Variants in HDAC1 observed in about 807,000 individuals in gnomAD.
HDAC1 encodes histone deacetylase 1, also known as protein deacetylase HDAC1.
In HDAC1, 18 loss-of-function variants were observed where a neutral mutation model predicts 65.5. That is an observed-to-expected ratio of 0.27 (90% CI 0.19 to 0.41). The LOEUF (loss-of-function observed/expected upper bound fraction) is 0.41. HDAC1 is among the 10% of genes least tolerant of loss of function. The probability of loss-of-function intolerance (pLI) is 1.00; values close to 1 mark genes in which losing one functional copy is unlikely to be tolerated. For missense variants in HDAC1, 373 were observed against 625.2 expected (o/e 0.60, Z 4.30); for synonymous variants, 211 against 227.9 (o/e 0.93, Z 0.67).
At chr1:32,316,622 C>A (rs1205098181) in intron 2 of HDAC1, 43 bp from the exon 3 acceptor site, 2 of 1,065,848 alleles carry the variant, frequency 1.9e-6, no homozygotes, top group Non-Finnish European at 2.9e-6. Flanking sequence ...CTGGACTGGC[C>A]GTGGTCAAAA....
rs1171086398 is a variant in HDAC1, at chr1:32,316,658, C to G, written c.163-7C>G. 2 of 1,579,530 alleles carry G rather than the reference C, an allele frequency of 1.3e-6. No homozygotes were observed. The highest frequency in any genetic ancestry group is 3.3e-5 in the Admixed American group (2 of 59,866). On this transcript the variant is annotated splice_polypyrimidine_tract_variant and splice_region_variant and intron_variant, in intron 2 of 13. Coordinates refer to ENST00000373548, the MANE Select transcript of HDAC1 (RefSeq NM_004964.3). Reference sequence around the variant, plus strand: ...ATAACTTGCCCTTTCTCCCTTCTGCCCTCTAGCGCCCTCACAAAGCCAATG... The same window carrying G: ...ATAACTTGCCCTTTCTCCCTTCTGCGCTCTAGCGCCCTCACAAAGCCAATG...
chr1:32,329,091 G>A lies in HDAC1; in HGVS notation c.660G>A (p.Lys220=), dbSNP rs376641356. Residue 220 remains lysine (K), a synonymous_variant, in exon 7 of 14, where the codon AAG becomes AAA. Coordinates refer to ENST00000373548, the MANE Select transcript of HDAC1 (RefSeq NM_004964.3). The surrounding 1 kb of genome is among the most constrained non-coding windows in gnomAD (Gnocchi z 4.1). ...DLRDIGAGKG[K]YYAVNYPLRD... is the part of the protein sequence containing the mutation. Reference sequence around the variant, plus strand: ...AGGATATCGGGGCTGGCAAAGGCAAGTATTATGCTGTTAACTACCCGCTCC... The same window carrying A: ...AGGATATCGGGGCTGGCAAAGGCAAATATTATGCTGTTAACTACCCGCTCC... 5.0e-6 allele frequency: 8 copies of A among 1,611,214 alleles called. No individual in the cohort carries two copies. The African/African-American group carries it at 5.3e-5, about 11-fold the overall frequency.
intron 3 of HDAC1, among the ~76,000 whole-genome samples, chr1:32,321,247 T>A (rs1008204984): frequency 5.9e-4 from 89 of 150,438 alleles, no homozygotes; most frequent in East Asian, 4.5e-3. Context: ...AAAAAAATAA[T>A]AATAATAATA....
At chr1:32,323,815 G>T (rs552852774) in intron 3 of HDAC1, among the ~76,000 whole-genome samples, 1 of 152,312 alleles carries the variant, frequency 6.6e-6, no homozygotes, top group African/African-American at 2.4e-5. Flanking sequence ...CGTGCGCAGT[G>T]AACGATAGTT....
rs115924027 is a variant in HDAC1, at chr1:32,300,425, C to T, written c.50-2196C>T. ...TGAAAATTAGCTGGATTTGGTGGCA[C>T]GCACCTGTAATCCCAGCAATTTAGG... On this transcript the variant is annotated intron_variant, in intron 1 of 13. Coordinates refer to ENST00000373548, the MANE Select transcript of HDAC1 (RefSeq NM_004964.3). Among the ~76,000 whole-genome samples, 1,026 of 151,912 alleles carry T rather than the reference C, an allele frequency of 6.8e-3. 2 individuals carry two copies. Among genetic ancestry groups the T allele is most frequent in the Middle Eastern group, 0.034 (10 of 294 alleles).
chr1:32,311,014 T>C (rs1640984082), intron 2 of HDAC1, among the ~76,000 whole-genome samples: 1 of 151,830 alleles, frequency 6.6e-6, no homozygotes, highest in Non-Finnish European at 1.5e-5. Flanking sequence ...TTAACAATGG[T>C]TAAGAAGGAG....
intron 4 of HDAC1, among the ~76,000 whole-genome samples, chr1:32,326,295 G>A (rs995030112): frequency 6.6e-6 from 1 of 151,806 alleles, no homozygotes; most frequent in Admixed American, 6.6e-5. Context: ...CCAGGTAGCT[G>A]GGACTACAAG....
rs377238510 is a variant in HDAC1, at chr1:32,330,548, G to A, written c.730-30G>A. 4.8e-5 allele frequency: 72 copies of A among 1,487,744 alleles called. No individual in the cohort carries two copies. The African/African-American group carries it at 9.1e-4, about 19-fold the overall frequency. The allele number at this position is 1,487,744 out of a possible 1,614,324, so 92.2% of individuals were successfully genotyped here. A position where few individuals can be genotyped will look rare whatever the true frequency, so the allele number is the denominator to read the frequency against. On this transcript the variant is annotated intron_variant, in intron 7 of 13. Coordinates refer to ENST00000373548, the MANE Select transcript of HDAC1 (RefSeq NM_004964.3). The surrounding 1 kb of genome is among the most constrained non-coding windows in gnomAD (Gnocchi z 4.2). The stretch of plus-strand genomic sequence containing the variant: ...CCAAACCTCGTATTGCTTTCTTGAG[G>A]TTGGTGGTGACCAGGATGTATCATT...
At chr1:32,318,555 CA>C (rs56896109) in intron 3 of HDAC1, among the ~76,000 whole-genome samples, 172 of 135,088 alleles carry the variant, frequency 1.3e-3, no homozygotes, top group Middle Eastern at 3.6e-3. Context: ...AGAGCGAGAC[CA>C]AAAAAAAAAA....
At chr1:32,308,708 C>T (rs1379369305) in intron 2 of HDAC1, among the ~76,000 whole-genome samples, 4 of 152,066 alleles carry the variant, frequency 2.6e-5, no homozygotes, top group Middle Eastern at 3.4e-3. Flanking sequence ...TTAGTAGAGA[C>T]GGGGTTTCCC....
chr1:32,324,219 G>A (rs1458083452), intron 3 of HDAC1, among the ~76,000 whole-genome samples: 1 of 152,156 alleles, frequency 6.6e-6, no homozygotes, highest in African/African-American at 2.4e-5. Flanking sequence ...GGTCAAAGCT[G>A]CTGCACATGA....
rs1408808617 is a variant in HDAC1 at position 32,330,434 on chromosome 1, C to T, written c.730-144C>T. ...CCAAGTGGGCAAGCAAGGGCTCCAG[C>T]CTAGCACTCCCTTTTCTCTCCCACA... On this transcript the variant is annotated intron_variant, in intron 7 of 13. Coordinates refer to ENST00000373548, the MANE Select transcript of HDAC1 (RefSeq NM_004964.3). The surrounding 1 kb of genome is among the most constrained non-coding windows in gnomAD (Gnocchi z 4.2). The T allele has an allele frequency of 7.3e-6, 5 of 689,092 alleles. No homozygotes were observed. The highest frequency in any genetic ancestry group is 7.1e-5 in the African/African-American group (4 of 56,376). The allele number at this position is 689,092 out of a possible 1,614,324, so 42.7% of individuals were successfully genotyped here. A position where few individuals can be genotyped will look rare whatever the true frequency, so the allele number is the denominator to read the frequency against.
At chr1:32,324,950 A>G (rs1427234005) in intron 4 of HDAC1, among the ~76,000 whole-genome samples, 1 of 152,134 alleles carries the variant, frequency 6.6e-6, no homozygotes, top group Non-Finnish European at 1.5e-5. Context: ...TGGGCAACAA[A>G]GCAAGACCCT....
rs1188376271 is a variant in HDAC1, at chr1:32,333,438, C to T, written c.*394C>T. The T allele has an allele frequency of 2.5e-5, 4 of 158,394 alleles. No individual in the cohort carries two copies. The highest frequency in any genetic ancestry group is 9.6e-5 in the African/African-American group (4 of 41,542). 9.8% of individuals were successfully genotyped at this position (158,394 alleles called of 1,614,324 possible). On this transcript the variant is annotated 3_prime_UTR_variant, in exon 14 of 14. Transcript: ENST00000373548. ...TGTTTTTTTCAGGCTCCTAAAGTAA[C>T]ATCAGCCATTTTTAGATTGGTTCTG...
intron 1 of HDAC1, among the ~76,000 whole-genome samples, chr1:32,299,436 TAAAAA>T (rs535160328): frequency 4.0e-5 from 6 of 151,490 alleles, no homozygotes; most frequent in Admixed American, 2.0e-4. Flanking sequence ...AAAAAAAACA[TAAAAA>T]GAAAAGGATG....
intron 1 of HDAC1, among the ~76,000 whole-genome samples, chr1:32,295,377 G>A (rs1640755373): frequency 6.6e-6 from 1 of 152,018 alleles, no homozygotes; most frequent in Non-Finnish European, 1.5e-5. Flanking sequence ...CTCCAGCCTG[G>A]GGGACAGAGT....
intron 3 of HDAC1, among the ~76,000 whole-genome samples, chr1:32,324,100 T>TAA (rs776697437): frequency 3.0e-5 from 4 of 132,328 alleles, no homozygotes; most frequent in Non-Finnish European, 3.3e-5. Flanking sequence ...GCTCTGTCTC[T>TAA]AAAAAAAAAA....
intron 1 of HDAC1, among the ~76,000 whole-genome samples, chr1:32,296,461 C>T (rs1640767905): frequency 6.6e-6 from 1 of 152,136 alleles, no homozygotes; most frequent in South Asian, 2.1e-4. Context: ...GCCTCCCAGG[C>T]TCAAGCAGTC....
At chr1:32,328,355 A>C (rs966006691) in intron 6 of HDAC1, among the ~76,000 whole-genome samples, 12 of 150,236 alleles carry the variant, frequency 8.0e-5, no homozygotes, top group African/African-American at 2.9e-4. Flanking sequence ...TCTGTCACCC[A>C]GCCTGGAGTG....
Sources: gnomAD v4.1 joint callset for allele counts (sites outside exome capture counted in the v4.1 genomes callset) on GRCh38, gnomAD v4.1.1 for gene constraint, Gnocchi (gnomAD v3.1) non-coding constraint, MANE v1.5 for transcripts, NCBI Gene and HGNC (gene_info 2026-07-23, HGNC 2026-07-21) for gene names.